The following ARHGAP25 variants were observed in gnomAD, a reference collection of about 807,000 sequenced individuals.
The protein encoded by ARHGAP25 is Rho GTPase activating protein 25, also known as rho GTPase-activating protein 25.
In ARHGAP25, 34 loss-of-function variants were observed where a neutral mutation model predicts 71.0. That is an observed-to-expected ratio of 0.48 (90% CI 0.36 to 0.64). The LOEUF is 0.64. Among genes scored for constraint, ARHGAP25 ranks in the 30% least tolerant of loss-of-function variants. The pLI is 0.00. For missense variants in ARHGAP25, 706 were observed against 805.1 expected (o/e 0.88, Z 1.49); for synonymous variants, 282 against 296.5 (o/e 0.95, Z 0.50).
At chr2:68,759,806 T>C (rs963063317) in intron 1 of ARHGAP25, among the ~76,000 whole-genome samples, 1 of 151,620 alleles carries the variant, frequency 6.6e-6, no homozygotes, top group Admixed American at 6.6e-5. Flanking sequence ...TCTTTGAAAA[T>C]TTTCAAAAGA....
At chr2:68,742,496 A>G (rs1340479022) in intron 1 of ARHGAP25, among the ~76,000 whole-genome samples, 1 of 152,214 alleles carries the variant, frequency 6.6e-6, no homozygotes, top group Non-Finnish European at 1.5e-5. Flanking sequence ...TCCAACTGTA[A>G]AATGAGTGCA....
At chr2:68,797,757 A>G (rs1159822055) in intron 4 of ARHGAP25, among the ~76,000 whole-genome samples, 1 of 152,188 alleles carries the variant, frequency 6.6e-6, no homozygotes, top group Non-Finnish European at 1.5e-5. Context: ...GCAGTTCCAT[A>G]TCATAGTCTT....
intron 2 of ARHGAP25, among the ~76,000 whole-genome samples, chr2:68,721,899 G>A (rs535991646): frequency 5.9e-5 from 9 of 152,174 alleles, no homozygotes; most frequent in African/African-American, 2.2e-4. Flanking sequence ...TCCTTCCCAC[G>A]ACACCACTTC....
chr2:68,750,670 CTGTG>C (rs982339400), intron 1 of ARHGAP25, among the ~76,000 whole-genome samples: 4 of 151,914 alleles, frequency 2.6e-5, no homozygotes, highest in African/African-American at 9.7e-5. Context: ...TGAGAGGCGT[CTGTG>C]TGTGTGTGTT....
chr2:68,756,730 C>T (rs887540548), intron 1 of ARHGAP25, among the ~76,000 whole-genome samples: 1 of 152,072 alleles, frequency 6.6e-6, no homozygotes, highest in Middle Eastern at 3.2e-3. Context: ...TCATTAGATT[C>T]AGATATCCAG....
intron 1 of ARHGAP25, among the ~76,000 whole-genome samples, chr2:68,761,584 T>C (rs1483038228): frequency 1.3e-5 from 2 of 151,986 alleles, no homozygotes; most frequent in Non-Finnish European, 2.9e-5. Context: ...AGGACTCAAA[T>C]AGACATTTCT....
intron 1 of ARHGAP25, among the ~76,000 whole-genome samples, chr2:68,765,106 G>A (rs1006109810): frequency 6.6e-6 from 1 of 152,120 alleles, no homozygotes; most frequent in South Asian, 2.1e-4. Flanking sequence ...GCCAGTAAGT[G>A]TTGGGGTAAA....
chr2:68,810,028 G>A (rs1284595243), intron 5 of ARHGAP25, among the ~76,000 whole-genome samples: 1 of 151,898 alleles, frequency 6.6e-6, no homozygotes, highest in East Asian at 1.9e-4. Flanking sequence ...ATGCCCCCAG[G>A]GAAGGGCTGG....
intron 1 of ARHGAP25, among the ~76,000 whole-genome samples, chr2:68,738,935 CATTGGTT>C (rs1048764994): frequency 1.3e-5 from 2 of 152,042 alleles, no homozygotes; most frequent in African/African-American, 4.8e-5. Context: ...GTTACATTGC[CATTGGTT>C]ATTTAAGTAA....
intron 4 of ARHGAP25, among the ~76,000 whole-genome samples, chr2:68,790,475 C>T (rs1040356294): frequency 2.0e-5 from 3 of 152,186 alleles, no homozygotes; most frequent in Non-Finnish European, 4.4e-5. Context: ...AGGGGCAGGG[C>T]CAGGGCTCTT....
intron 2 of ARHGAP25, among the ~76,000 whole-genome samples, chr2:68,776,685 C>T (rs1193241251): frequency 6.6e-6 from 1 of 152,142 alleles, no homozygotes; most frequent in African/African-American, 2.4e-5. Context: ...ACCCCAGGTG[C>T]AAACTGGATG....
intron 1 of ARHGAP25, among the ~76,000 whole-genome samples, chr2:68,764,709 C>T (rs1233824783): frequency 3.3e-5 from 5 of 152,144 alleles, no homozygotes; most frequent in African/African-American, 9.7e-5. Flanking sequence ...CTGTTCCCTG[C>T]CTCCATGCTG....
At chr2:68,774,284 C>G (rs1020372786) in intron 1 of ARHGAP25, among the ~76,000 whole-genome samples, 2 of 151,804 alleles carry the variant, frequency 1.3e-5, no homozygotes, top group Admixed American at 6.6e-5. Flanking sequence ...CCAGGGTGAT[C>G]GATGGAGCGC....
upstream of ARHGAP25, among the ~76,000 whole-genome samples, chr2:68,733,431 G>A (rs1675078622): frequency 6.6e-6 from 1 of 152,180 alleles, no homozygotes; most frequent in Admixed American, 6.5e-5. Flanking sequence ...CTAAAGCTTG[G>A]TTCAGAAATG....
In ARHGAP25 at chr2:68,813,267, C is replaced by T. The variant is rs774690257; in HGVS notation, c.675-20C>T. The T allele has an allele frequency of 6.9e-6, 11 of 1,599,270 alleles. No individual in the cohort carries two copies. Among genetic ancestry groups the T allele is most frequent in the South Asian group, 3.4e-5 (3 of 89,222 alleles). On this transcript the variant is annotated intron_variant, in intron 5 of 10. Coordinates refer to ENST00000409202, the MANE Select transcript of ARHGAP25 (RefSeq NM_001007231.3). ...TTTTCTTTCAAAGAGTTTCACAGAG[C>T]GTTGCTTATTTTCTTCCAGAGACAC...
intron 1 of ARHGAP25, among the ~76,000 whole-genome samples, chr2:68,758,095 A>G (rs1431766195): frequency 6.6e-6 from 1 of 152,074 alleles, no homozygotes; most frequent in Non-Finnish European, 1.5e-5. Flanking sequence ...AAAAGAAAGT[A>G]GCTAAATAAT....
chr2:68,749,612 T>C (rs1289744454), intron 1 of ARHGAP25, among the ~76,000 whole-genome samples: 2 of 152,208 alleles, frequency 1.3e-5, no homozygotes, highest in Non-Finnish European at 2.9e-5. Context: ...AAGGGAATCA[T>C]GCAAAGGCAG....
chr2:68,737,807 C>A (rs576085887), intron 1 of ARHGAP25, among the ~76,000 whole-genome samples: 1 of 152,256 alleles, frequency 6.6e-6, no homozygotes, highest in Admixed American at 6.5e-5. Flanking sequence ...CAGAATGTGA[C>A]CCAGGAAAGG....
intron 5 of ARHGAP25, among the ~76,000 whole-genome samples, chr2:68,812,285 T>G (rs11903226): frequency 0.31 from 47,345 of 152,032 alleles, 9,441 homozygotes; most frequent in African/African-American, 0.56. Context: ...TTCCCCCAGC[T>G]ATTTAAAAAT....
Sources: gnomAD v4.1 joint callset for allele counts (sites outside exome capture counted in the v4.1 genomes callset) on GRCh38, gnomAD v4.1.1 for gene constraint, MANE v1.5 for transcripts, NCBI Gene and HGNC (gene_info 2026-07-23, HGNC 2026-07-21) for gene names.